MAX: variants seen among roughly 807,000 people sequenced by gnomAD.
The protein encoded by MAX is protein max.
MAX carries 3 observed loss-of-function variants against 22.3 expected under a neutral mutation model. The ratio of observed to expected loss-of-function variants is 0.13; its 90% confidence interval spans 0.06 to 0.35. The LOEUF (loss-of-function observed/expected upper bound fraction) is 0.35. Ranked by LOEUF, MAX falls within the 10% of genes least tolerant of loss-of-function variation. The pLI, the probability that MAX is intolerant of heterozygous loss-of-function variation, is 1.00. For synonymous variants in MAX, 72 were observed against 77.7 expected (o/e 0.93, Z 0.39); for missense variants, 119 against 209.4 (o/e 0.57, Z 2.66).
At position 65,014,492 on chromosome 14, in the gene MAX, C is replaced by T. The variant is rs946698000; in HGVS notation, c.172-8208G>A. ...TGCTCTCTTCCCCTACAGGTAACCA[C>T]ACACATTCTATATCCCAAGCATCTC... On this transcript the variant is annotated intron_variant, in intron 3 of 3. Coordinates refer to the MAX transcript ENST00000341653. This position sits in a 1 kb window ranked among gnomAD's most constrained non-coding sequence, Gnocchi z 5.1. Among the ~76,000 whole-genome samples the T allele has an allele frequency of 6.6e-6, 1 of 152,164 alleles. No homozygotes were observed. Among genetic ancestry groups the T allele is most frequent in the Non-Finnish European group, 1.5e-5 (1 of 68,038 alleles).
intron 3 of MAX, among the ~76,000 whole-genome samples, chr14:65,046,339 G>T (rs1028508741): frequency 6.6e-6 from 1 of 152,190 alleles, no homozygotes; most frequent in South Asian, 2.1e-4. Context: ...AACTGGTGAG[G>T]TCAAGCCCCT....
chr14:65,083,629 C>T lies in MAX; in HGVS notation c.172-5593G>A, dbSNP rs574755085. 1.2e-5 allele frequency: 8 copies of T among 684,042 alleles called. No homozygotes were observed. The East Asian group carries it at 6.1e-4, about 52-fold the overall frequency. The allele number at this position is 684,042 out of a possible 1,614,324, so 42.4% of individuals were successfully genotyped here. ...ACAATAATCTTAACTCTACTGAACA[C>T]TTTTCCTCTTCAGTGCCCAAAACAG... On this transcript the variant is annotated intron_variant, in intron 3 of 4. Transcript: ENST00000358664.
Position 65,079,941 on chromosome 14 carries a change from T to C in MAX, c.172-1905A>G, listed in dbSNP as rs763997421. On this transcript the variant is annotated intron_variant, in intron 3 of 4. Transcript: ENST00000358664. The surrounding 1 kb of genome is among the most constrained non-coding windows in gnomAD (Gnocchi z 4.5). ...CAGGTGCAAATTACGTACAAGATAC[T>C]AGGCAGATACTGTGGGGAAACAAAA... is the stretch of plus-strand genomic sequence containing the variant. 7.9e-5 allele frequency among the ~76,000 whole-genome samples: 12 copies of C among 152,216 alleles called. No homozygotes were observed. The highest frequency in any genetic ancestry group is 1.9e-4 in the East Asian group (1 of 5,206).
chr14:65,049,786 TA>T (rs1443052432), intron 3 of MAX, among the ~76,000 whole-genome samples: 12 of 152,162 alleles, frequency 7.9e-5, no homozygotes, highest in Admixed American at 6.5e-4. Flanking sequence ...TATGCTTTTT[TA>T]AATAATAGCT....
chr14:65,065,396 C>T (rs760283892), intron 3 of MAX, among the ~76,000 whole-genome samples: 5 of 152,112 alleles, frequency 3.3e-5, no homozygotes, highest in Admixed American at 6.5e-5. Context: ...CACTTAATGA[C>T]GAGGATACAC....
At position 65,079,735 on chromosome 14, in the gene MAX, A is replaced by G. The variant is rs1399587620; in HGVS notation, c.172-1699T>C. Among the ~76,000 whole-genome samples, 3 of 152,172 alleles carry G rather than the reference A, an allele frequency of 2.0e-5. No individual in the cohort carries two copies. Among genetic ancestry groups the G allele is most frequent in the African/African-American group, 4.8e-5 (2 of 41,438 alleles). On this transcript the variant is annotated intron_variant, in intron 3 of 4. Transcript: ENST00000358664. The surrounding 1 kb of genome is among the most constrained non-coding windows in gnomAD (Gnocchi z 4.5). ...CACCGTGGCTAGCAAAACCAGATCT[A>G]CTCATATTAAATCCTAACAATCTCA...
At chr14:65,091,135 T>C (rs1325667074) in intron 3 of MAX, among the ~76,000 whole-genome samples, 2 of 152,200 alleles carry the variant, frequency 1.3e-5, no homozygotes, top group Non-Finnish European at 2.9e-5. Flanking sequence ...AATCATTTCA[T>C]GATTATTTAC....
rs554126582 is a variant in MAX, at chr14:65,069,191, C to A, written c.171+24517G>T. 6.6e-6 allele frequency among the ~76,000 whole-genome samples: 1 copy of A among 152,190 alleles called. No homozygotes were observed. Among genetic ancestry groups the A allele is most frequent in the Non-Finnish European group, 1.5e-5 (1 of 68,028 alleles). On this transcript the variant is annotated intron_variant, in intron 3 of 3. Transcript: ENST00000341653. This position sits in a 1 kb window ranked among gnomAD's most constrained non-coding sequence, Gnocchi z 4.6. ...ACCAGTGAAAGTGGTGGAATAGAAT[C>A]GTGACCCAACCTGTGCAGAGCAGAT...
intron 3 of MAX, among the ~76,000 whole-genome samples, chr14:65,010,213 A>G (rs1387932197): frequency 4.6e-5 from 7 of 152,136 alleles, no homozygotes; most frequent in Non-Finnish European, 2.9e-5. Flanking sequence ...TCCCTAGCAT[A>G]TGTAAACTCT....
At chr14:65,058,005 C>G (rs1313192994) in intron 3 of MAX, among the ~76,000 whole-genome samples, 1 of 152,144 alleles carries the variant, frequency 6.6e-6, no homozygotes, top group African/African-American at 2.4e-5. Flanking sequence ...CTTGGCTATT[C>G]TTTGCCTTTT....
Position 65,011,734 on chromosome 14 carries a change from C to G in MAX, c.172-5450G>C, listed in dbSNP as rs1017132143. Among the ~76,000 whole-genome samples, 1 of 152,190 alleles carries G rather than the reference C, an allele frequency of 6.6e-6. No homozygotes were observed. Among genetic ancestry groups the G allele is most frequent in the Non-Finnish European group, 1.5e-5 (1 of 68,030 alleles). ...AAAGCCAGTATTGCTGACTTGAAAG[C>G]CAAGGACAGCGACTGGCTGCAGAAC... is the stretch of plus-strand genomic sequence containing the variant. On this transcript the variant is annotated intron_variant, in intron 3 of 3. Coordinates refer to the MAX transcript ENST00000341653. This position sits in a 1 kb window ranked among gnomAD's most constrained non-coding sequence, Gnocchi z 4.0.
chr14:65,077,196 A>G lies in MAX; in HGVS notation c.296-533T>C, dbSNP rs1435946315. The G allele has an allele frequency of 4.6e-6, 3 of 659,246 alleles. No homozygotes were observed. In the East Asian group the frequency reaches 8.1e-5, roughly 18 times the overall value. The allele number at this position is 659,246 out of a possible 1,614,324, so 40.8% of individuals were successfully genotyped here. On this transcript the variant is annotated intron_variant, in intron 4 of 4. Transcript: ENST00000358664. This position sits in a 1 kb window ranked among gnomAD's most constrained non-coding sequence, Gnocchi z 6.3. ...CCTGGGCTTTTCAAATAGCCCCTAC[A>G]TGCAGGCTGCCTGGCCCAGTAACCA... is the stretch of plus-strand genomic sequence containing the variant.
chr14:65,075,458 C>A lies in MAX; in HGVS notation c.*1018G>T, dbSNP rs1182384489. 11 of 1,063,438 alleles carry A rather than the reference C, an allele frequency of 1.0e-5. No homozygotes were observed. The highest frequency in any genetic ancestry group is 4.6e-5 in the South Asian group (1 of 21,958). 65.9% of individuals were successfully genotyped at this position (1,063,438 alleles called of 1,614,324 possible). A position where few individuals can be genotyped will look rare whatever the true frequency, so the allele number is the denominator to read the frequency against. On this transcript the variant is annotated 3_prime_UTR_variant, in exon 5 of 5. Transcript: ENST00000358664. The surrounding 1 kb of genome is among the most constrained non-coding windows in gnomAD (Gnocchi z 4.1). ...GCTGGGAAGGGTCCGCACTGGGGTGCGGGTTTAGTACCAGGTAAATTGCTC... is the reference window on the plus strand; with the variant it reads ...GCTGGGAAGGGTCCGCACTGGGGTGAGGGTTTAGTACCAGGTAAATTGCTC...
At chr14:65,091,133 CA>C (rs1341788517) in intron 3 of MAX, among the ~76,000 whole-genome samples, 6 of 151,998 alleles carry the variant, frequency 3.9e-5, no homozygotes, top group Admixed American at 3.3e-4. Flanking sequence ...ATAATCATTT[CA>C]TGATTATTTA....
chr14:65,098,619 C>A (rs936424619), intron 2 of MAX, among the ~76,000 whole-genome samples: 2 of 152,172 alleles, frequency 1.3e-5, no homozygotes, highest in South Asian at 2.1e-4. Flanking sequence ...ATATAATATA[C>A]CTGTCCCACA....
intron 2 of MAX, 23 bp downstream of exon 2, chr14:65,101,523 G>C: frequency 6.2e-7 from 1 of 1,601,848 alleles, no homozygotes; most frequent in Non-Finnish European, 8.5e-7. Context: ...AAATAAAAAT[G>C]AAATGGAGAG....
chr14:65,085,086 T>C (rs559946451), intron 3 of MAX, among the ~76,000 whole-genome samples: 1 of 124,400 alleles, frequency 8.0e-6, no homozygotes, highest in South Asian at 2.3e-4. Context: ...GATGTGCTGT[T>C]AAGTTGAATT....
intron 3 of MAX, among the ~76,000 whole-genome samples, chr14:65,065,374 A>T (rs1341519688): frequency 6.6e-6 from 1 of 152,142 alleles, no homozygotes; most frequent in Non-Finnish European, 1.5e-5. Context: ...AAGCAACCTA[A>T]TACAGTCATG....
chr14:65,089,880 T>C (rs1223897362), intron 3 of MAX: 1 of 145,648 alleles, frequency 6.9e-6, no homozygotes, highest in Non-Finnish European at 1.5e-5. Flanking sequence ...AATTCCATCC[T>C]ATTGTTCCCA....
Sources: allele counts gnomAD v4.1 joint callset (sites outside exome capture counted in the v4.1 genomes callset), GRCh38; gene constraint gnomAD v4.1.1; non-coding constraint Gnocchi (gnomAD v3.1); transcripts MANE v1.5; gene names NCBI Gene and HGNC (gene_info 2026-07-23, HGNC 2026-07-21).